Variants in SNED1 observed in about 807,000 individuals in gnomAD.
The protein encoded by SNED1 is sushi, nidogen and EGF like domains 1.
A neutral mutation model predicts 166.7 loss-of-function variants in SNED1; 81 were observed. That is an observed-to-expected ratio of 0.49 (90% CI 0.41 to 0.58). SNED1 has a LOEUF of 0.58. Ranked by LOEUF, SNED1 falls within the 20% of genes least tolerant of loss-of-function variation. The pLI, the probability that SNED1 is intolerant of heterozygous loss-of-function variation, is 0.00. For missense variants in SNED1, 1,604 were observed against 2,000.2 expected, an observed-to-expected ratio of 0.80 and a Z score of 3.78; for synonymous variants, 762 against 822.0, an observed-to-expected ratio of 0.93 and a Z score of 1.25.
intron 18 of SNED1, 72 bp from the exon 19 acceptor site, chr2:241,063,940 T>G (rs1288322868): frequency 5.5e-5 from 65 of 1,172,136 alleles, no homozygotes; most frequent in Non-Finnish European, 7.7e-5. Flanking sequence ...TTTCCCTTCT[T>G]CCCGCTGTCC....
chr2:241,007,418 C>G (rs1459268761), intron 1 of SNED1, among the ~76,000 whole-genome samples: 1 of 152,228 alleles, frequency 6.6e-6, no homozygotes, highest in Non-Finnish European at 1.5e-5. Context: ...CACCCTTGCT[C>G]TGATTTAAGG....
At chr2:241,048,955 G>T in intron 10 of SNED1, 67 bp from the exon 11 acceptor site, 1 of 1,437,500 alleles carries the variant, frequency 7.0e-7, no homozygotes, top group South Asian at 1.2e-5. Flanking sequence ...CCCCATCCTT[G>T]ACAAGGACTC....
chr2:241,001,753 A>G (rs2060083782), intron 1 of SNED1, among the ~76,000 whole-genome samples: 1 of 152,170 alleles, frequency 6.6e-6, no homozygotes, highest in South Asian at 2.1e-4. Flanking sequence ...CCTGGCTCCA[A>G]GCACTGCCCC....
rs890506364 is a variant in SNED1, at chr2:240,999,236, G to A, written c.213+186G>A. Reference sequence around the variant, plus strand: ...GGACAGCGGCCCGCGGGAGAGGCGCGCGGGCGGGGCGGGGGCGGCAGCCGC... The same window carrying A: ...GGACAGCGGCCCGCGGGAGAGGCGCACGGGCGGGGCGGGGGCGGCAGCCGC... On this transcript the variant is annotated intron_variant, in intron 1 of 31. Transcript: ENST00000310397. This position sits in a 1 kb window ranked among gnomAD's most constrained non-coding sequence, Gnocchi z 5.8. 6.7e-6 allele frequency among the ~76,000 whole-genome samples: 1 copy of A among 149,714 alleles called. No individual in the cohort carries two copies. Among genetic ancestry groups the A allele is most frequent in the Non-Finnish European group, 1.5e-5 (1 of 67,178 alleles).
chr2:241,017,921 C>T (rs888060902), intron 1 of SNED1, among the ~76,000 whole-genome samples: 1 of 152,220 alleles, frequency 6.6e-6, no homozygotes, highest in Non-Finnish European at 1.5e-5. Context: ...ATTACAGAGG[C>T]AATGAATGAG....
At chr2:241,087,767 T>C in intron 30 of SNED1, 1 of 1,140,758 alleles carries the variant, frequency 8.8e-7, no homozygotes, top group Non-Finnish European at 1.1e-6. Context: ...CACAGGGTGT[T>C]ACGGACAGCC....
intron 26 of SNED1, chr2:241,072,178 C>T (rs557874029): frequency 2.1e-4 from 136 of 635,170 alleles, no homozygotes; most frequent in African/African-American, 2.1e-3. Flanking sequence ...TGAGACATTA[C>T]AGCAGCTTTA....
Position 241,049,043 on chromosome 2 carries a change from A to G in SNED1, c.1526A>G (p.Asn509Ser), listed in dbSNP as rs2061748427. Residue 509 changes from asparagine to serine, a missense_variant, in exon 11 of 32, where the codon AAC becomes AGC. Physicochemically the swap from Asn to Ser is conservative, Grantham distance 46 (BLOSUM62 1). Transcript: ENST00000310397. Reference protein sequence around the residue: ...CEFEITAMPCNMNTQCPDGGY... With the variant: ...CEFEITAMPCSMNTQCPDGGY... ...CTAGAAATCACAGCCATGCCCTGCA[A>G]CATGAACACACAGTGCCCAGATGGG... The G allele has an allele frequency of 6.2e-7, 1 of 1,613,184 alleles. No individual in the cohort carries two copies. Among genetic ancestry groups the G allele is most frequent in the African/African-American group, 1.3e-5 (1 of 74,938 alleles).
At chr2:241,079,674 A>G (rs1175797774) in intron 27 of SNED1, among the ~76,000 whole-genome samples, 1 of 152,200 alleles carries the variant, frequency 6.6e-6, no homozygotes, top group Non-Finnish European at 1.5e-5. Context: ...AAAAGGCAAC[A>G]CCTAAAAATT....
At chr2:241,024,235 CTTTT>C (rs10664618) in intron 1 of SNED1, among the ~76,000 whole-genome samples, 28 of 46,932 alleles carry the variant, frequency 6.0e-4, no homozygotes, top group African/African-American at 2.1e-3. Context: ...ACTCTACTAC[CTTTT>C]TTTTTTTTTT....
rs529803513 is a variant in SNED1 at position 241,073,497 on chromosome 2, A to C, written c.3916+133A>C. The C allele has an allele frequency of 2.3e-4, 169 of 743,404 alleles. No homozygotes were observed. Among genetic ancestry groups the C allele is most frequent in the Admixed American group, 4.4e-4 (21 of 47,618 alleles). 46.1% of individuals were successfully genotyped at this position (743,404 alleles called of 1,614,324 possible). A position where few individuals can be genotyped will look rare whatever the true frequency, so the allele number is the denominator to read the frequency against. ...GAGCCTACCTGAGGGGAGGCTGAGC[A>C]CCAGGCACCCCGGTGTGGGAAGATG... is the stretch of plus-strand genomic sequence containing the variant. On this transcript the variant is annotated intron_variant, in intron 27 of 31. Transcript: ENST00000310397. The surrounding 1 kb of genome is among the most constrained non-coding windows in gnomAD (Gnocchi z 6.6).
chr2:241,069,660 ACG>A lies in SNED1; in HGVS notation c.3308-259_3308-258del, dbSNP rs975311005. Among the ~76,000 whole-genome samples, 14 of 152,028 alleles carry A rather than the reference ACG, an allele frequency of 9.2e-5. No homozygotes were observed. The highest frequency in any genetic ancestry group is 3.4e-4 in the African/African-American group (14 of 41,366). On this transcript the variant is annotated intron_variant, in intron 23 of 31. Coordinates refer to ENST00000310397, the MANE Select transcript of SNED1 (RefSeq NM_001080437.3). The surrounding 1 kb of genome is among the most constrained non-coding windows in gnomAD (Gnocchi z 4.9). ...TGTGCCGCAGGGAGGGCGCCAGCTG[ACG>A]GGCCAGGGCCTGGGGGCTTCACAGG...
chr2:241,068,576 C>T lies in SNED1; in HGVS notation c.3195-335C>T, dbSNP rs1468834132. Among the ~76,000 whole-genome samples, 2 of 152,114 alleles carry T rather than the reference C, an allele frequency of 1.3e-5. No individual in the cohort carries two copies. The highest frequency in any genetic ancestry group is 4.8e-5 in the African/African-American group (2 of 41,392). The stretch of plus-strand genomic sequence containing the variant: ...GGTTTCCTGAGAATTTACATCAACT[C>T]ACCTGTGCTGAGGGCCCGTCCCCCA... On this transcript the variant is annotated intron_variant, in intron 22 of 31. Transcript: ENST00000310397. This position sits in a 1 kb window ranked among gnomAD's most constrained non-coding sequence, Gnocchi z 5.3.
intron 30 of SNED1, 60 bp downstream of exon 30, chr2:241,087,535 A>C (rs1218315615): frequency 2.9e-5 from 45 of 1,541,760 alleles, no homozygotes; most frequent in Non-Finnish European, 2.7e-5. Context: ...GTGATGGGGC[A>C]AGGGCGGGGT....
At chr2:241,005,858 A>C (rs2060208289) in intron 1 of SNED1, among the ~76,000 whole-genome samples, 1 of 151,900 alleles carries the variant, frequency 6.6e-6, no homozygotes, top group South Asian at 2.1e-4. Flanking sequence ...TTTGGTTATT[A>C]GGTGTATTGT....
intron 29 of SNED1, 44 bp downstream of exon 29, chr2:241,082,408 T>C (rs1181139203): frequency 6.8e-7 from 1 of 1,476,106 alleles, no homozygotes; most frequent in Admixed American, 1.7e-5. Context: ...TTGTCGTGTG[T>C]TCTTGACTCC....
chr2:241,082,887 A>G (rs947598095), intron 29 of SNED1, among the ~76,000 whole-genome samples: 1 of 152,176 alleles, frequency 6.6e-6, no homozygotes, highest in Non-Finnish European at 1.5e-5. Context: ...CATTTAGTCA[A>G]CAGATGACTT....
chr2:241,054,756 AGT>A (rs1170387104), intron 16 of SNED1, among the ~76,000 whole-genome samples: 1 of 152,242 alleles, frequency 6.6e-6, no homozygotes, highest in Non-Finnish European at 1.5e-5. Context: ...AGAGTAAGTT[AGT>A]GAGTTGAAAG....
rs1311425457 is a variant in SNED1, at chr2:241,073,778, G to A, written c.3916+414G>A. On this transcript the variant is annotated intron_variant, in intron 27 of 31. Transcript: ENST00000310397. The surrounding 1 kb of genome is among the most constrained non-coding windows in gnomAD (Gnocchi z 6.6). ...AGCAGAGGGAGCAGCCACTGGGCGA[G>A]CCCCAGCTTGAGGACTAGCTGGGCC... is the stretch of plus-strand genomic sequence containing the variant. 3.3e-5 allele frequency: 11 copies of A among 328,658 alleles called. No homozygotes were observed. Among genetic ancestry groups the A allele is most frequent in the Non-Finnish European group, 1.1e-5 (2 of 178,930 alleles). The allele number at this position is 328,658 out of a possible 1,614,324, so 20.4% of individuals were successfully genotyped here. A position where few individuals can be genotyped will look rare whatever the true frequency, so the allele number is the denominator to read the frequency against.
Sources: allele counts gnomAD v4.1 joint callset (sites outside exome capture counted in the v4.1 genomes callset), GRCh38; gene constraint gnomAD v4.1.1; non-coding constraint Gnocchi (gnomAD v3.1); transcripts MANE v1.5; gene names NCBI Gene and HGNC (gene_info 2026-07-23, HGNC 2026-07-21).